Variants in OSBPL3 observed in about 807,000 individuals in gnomAD.
The protein encoded by OSBPL3 is oxysterol binding protein like 3.
In OSBPL3, 65 loss-of-function variants were observed where a neutral mutation model predicts 120.1. The ratio of observed to expected loss-of-function variants is 0.54; its 90% CI spans 0.44 to 0.67. The LOEUF is 0.67. Among genes scored for constraint, OSBPL3 ranks in the 30% least tolerant of loss-of-function variants. OSBPL3 has a pLI of 0.00. For missense variants in OSBPL3, 1,004 were observed against 1,082.1 expected, an observed-to-expected ratio of 0.93 and a Z score of 1.01; for synonymous variants, 416 against 402.6, an observed-to-expected ratio of 1.03 and a Z score of -0.40.
chr7:24,845,956 G>GC (rs1798396333), intron 12 of OSBPL3, among the ~76,000 whole-genome samples: 2 of 152,266 alleles, frequency 1.3e-5, no homozygotes, highest in South Asian at 4.2e-4. Flanking sequence ...TTCAAGGTCA[G>GC]GCTGGGCAGC....
rs1584756653 is a variant in OSBPL3 at position 24,967,685 on chromosome 7, C to A, written c.-150+12201G>T. The stretch of plus-strand genomic sequence containing the variant: ...TGACTAGTTACCCTTCCCCTACCTA[C>A]CTCTTGGCTTACCTTCCCCAAGGTA... On this transcript the variant is annotated intron_variant, in intron 1 of 22. Coordinates refer to ENST00000313367, the MANE Select transcript of OSBPL3 (RefSeq NM_015550.4). The surrounding 1 kb of genome is among the most constrained non-coding windows in gnomAD (Gnocchi z 5.6). Among the ~76,000 whole-genome samples the A allele has an allele frequency of 6.6e-6, 1 of 152,198 alleles. No homozygotes were observed. Among genetic ancestry groups the A allele is most frequent in the African/African-American group, 2.4e-5 (1 of 41,446 alleles).
intron 1 of OSBPL3, among the ~76,000 whole-genome samples, chr7:24,945,828 A>C (rs1019139094): frequency 4.6e-5 from 7 of 152,238 alleles, no homozygotes; most frequent in African/African-American, 1.7e-4. Context: ...TGGAGAATAC[A>C]TTTTAGAGTG....
Position 24,869,452 on chromosome 7 carries a change from C to T in OSBPL3, c.381+1280G>A, listed in dbSNP as rs114686064. On this transcript the variant is annotated intron_variant, in intron 5 of 22. Coordinates refer to ENST00000313367, the MANE Select transcript of OSBPL3 (RefSeq NM_015550.4). Reference sequence around the variant, plus strand: ...TTTCTTTTTTATCTTAAGATATAGGCTTTTCCCTCCCATACTTCACACCAG... The same window carrying T: ...TTTCTTTTTTATCTTAAGATATAGGTTTTTCCCTCCCATACTTCACACCAG... 5.6e-3 allele frequency among the ~76,000 whole-genome samples: 846 copies of T among 152,256 alleles called. 7 individuals are homozygous for T. The highest frequency in any genetic ancestry group is 0.018 in the African/African-American group (752 of 41,544).
In OSBPL3 at chr7:24,871,189, G is replaced by C. The variant is rs1445029986; in HGVS notation, c.268-344C>G. 6.6e-6 allele frequency among the ~76,000 whole-genome samples: 1 copy of C among 152,214 alleles called. No individual in the cohort carries two copies. The highest frequency in any genetic ancestry group is 1.5e-5 in the Non-Finnish European group (1 of 68,034). ...CCTGTCAACTGTACCACCTCCCACT[G>C]AATGAGTTTCTGGTGTCTAAATTCA... On this transcript the variant is annotated intron_variant, in intron 4 of 22. Coordinates refer to ENST00000313367, the MANE Select transcript of OSBPL3 (RefSeq NM_015550.4). The surrounding 1 kb of genome is among the most constrained non-coding windows in gnomAD (Gnocchi z 4.8).
chr7:24,912,393 T>C lies in OSBPL3; in HGVS notation c.-149-19772A>G, dbSNP rs777752076. Among the ~76,000 whole-genome samples, 18 of 152,226 alleles carry C rather than the reference T, an allele frequency of 1.2e-4. No homozygotes were observed. The highest frequency in any genetic ancestry group is 2.6e-4 in the Non-Finnish European group (18 of 68,042). On this transcript the variant is annotated intron_variant, in intron 1 of 22. Coordinates refer to ENST00000313367, the MANE Select transcript of OSBPL3 (RefSeq NM_015550.4). This position sits in a 1 kb window ranked among gnomAD's most constrained non-coding sequence, Gnocchi z 4.5. The stretch of plus-strand genomic sequence containing the variant: ...AAATCAAATTCAGCAACCAGGGCCT[T>C]GATCTTCCTTGCATATTCCCCTATG...
chr7:24,963,853 A>G (rs1237243543), intron 1 of OSBPL3, among the ~76,000 whole-genome samples: 2 of 152,194 alleles, frequency 1.3e-5, no homozygotes, highest in Non-Finnish European at 2.9e-5. Context: ...ATCAAGACCA[A>G]TATCACCCAT....
rs1013790146 is a variant in OSBPL3 at position 24,854,535 on chromosome 7, C to G, written c.1028-1901G>C. On this transcript the variant is annotated intron_variant, in intron 10 of 22. Coordinates refer to ENST00000313367, the MANE Select transcript of OSBPL3 (RefSeq NM_015550.4). The surrounding 1 kb of genome is among the most constrained non-coding windows in gnomAD (Gnocchi z 4.1). Reference sequence around the variant, plus strand: ...ACACACACACACACACACACACACACACAAACACACACAATGGTGCTGCCT... The same window carrying G: ...ACACACACACACACACACACACACAGACAAACACACACAATGGTGCTGCCT... 1.4e-5 allele frequency among the ~76,000 whole-genome samples: 2 copies of G among 145,566 alleles called. No homozygotes were observed. The highest frequency in any genetic ancestry group is 5.1e-5 in the African/African-American group (2 of 39,146).
chr7:24,834,858 G>C lies in OSBPL3; in HGVS notation c.1496-122C>G, dbSNP rs1796815065. On this transcript the variant is annotated intron_variant, in intron 14 of 22. Coordinates refer to ENST00000313367, the MANE Select transcript of OSBPL3 (RefSeq NM_015550.4). This position sits in a 1 kb window ranked among gnomAD's most constrained non-coding sequence, Gnocchi z 5.2. Reference sequence around the variant, plus strand: ...TGTTACTATTAAACTCAGTTGTTCAGAGTATGGCTGAAGTCAGAAAACCGG... The same window carrying C: ...TGTTACTATTAAACTCAGTTGTTCACAGTATGGCTGAAGTCAGAAAACCGG... 1.1e-6 allele frequency: 1 copy of C among 876,270 alleles called. No homozygotes were observed. The highest frequency in any genetic ancestry group is 2.0e-5 in the South Asian group (1 of 51,010). The allele number at this position is 876,270 out of a possible 1,614,324, so 54.3% of individuals were successfully genotyped here.
intron 1 of OSBPL3, among the ~76,000 whole-genome samples, chr7:24,901,308 C>T (rs909072534): frequency 1.3e-5 from 2 of 150,642 alleles, no homozygotes; most frequent in Non-Finnish European, 3.0e-5. Context: ...GCCCAGATGG[C>T]GCCACTGTAC....
At chr7:24,897,774 G>T (rs924177804) in intron 1 of OSBPL3, among the ~76,000 whole-genome samples, 1 of 152,184 alleles carries the variant, frequency 6.6e-6, no homozygotes, top group South Asian at 2.1e-4. Context: ...AAAAGCCACA[G>T]AATTCATCAC....
rs1278309397 is a variant in OSBPL3 at position 24,803,597 on chromosome 7, C to T, written c.2567+718G>A. ...ACCATCCTGGCCAACAAGGTGAAACCCCGTCTCTACTAAAAATACAAAAAT... is the reference window on the plus strand; with the variant it reads ...ACCATCCTGGCCAACAAGGTGAAACTCCGTCTCTACTAAAAATACAAAAAT... On this transcript the variant is annotated intron_variant, in intron 22 of 22. Coordinates refer to ENST00000313367, the MANE Select transcript of OSBPL3 (RefSeq NM_015550.4). The surrounding 1 kb of genome is among the most constrained non-coding windows in gnomAD (Gnocchi z 4.2). Among the ~76,000 whole-genome samples the T allele has an allele frequency of 3.9e-5, 6 of 152,028 alleles. No homozygotes were observed. The highest frequency in any genetic ancestry group is 3.9e-4 in the Admixed American group (6 of 15,250).
intron 1 of OSBPL3, among the ~76,000 whole-genome samples, chr7:24,976,863 A>G (rs989349448): frequency 6.6e-6 from 1 of 152,224 alleles, no homozygotes; most frequent in African/African-American, 2.4e-5. Context: ...CCAGCACCCA[A>G]ACTGGAATGA....
rs1817085746 is a variant in OSBPL3, at chr7:24,972,071, T to G, written c.-150+7815A>C. Among the ~76,000 whole-genome samples, 3 of 152,330 alleles carry G rather than the reference T, an allele frequency of 2.0e-5. 1 individual carries two copies. The South Asian group carries it at 6.2e-4, about 32-fold the overall frequency. ...CTACACTAGAATCTAGCCAGCAAGT[T>G]ATTTTAAGCTACATGCAGGGCTATG... On this transcript the variant is annotated intron_variant, in intron 1 of 22. Coordinates refer to ENST00000313367, the MANE Select transcript of OSBPL3 (RefSeq NM_015550.4). This position sits in a 1 kb window ranked among gnomAD's most constrained non-coding sequence, Gnocchi z 4.3.
chr7:24,822,867 T>C lies in OSBPL3; in HGVS notation c.1885-2629A>G, dbSNP rs893661610. Among the ~76,000 whole-genome samples, 4 of 152,226 alleles carry C rather than the reference T, an allele frequency of 2.6e-5. No individual in the cohort carries two copies. The highest frequency in any genetic ancestry group is 7.2e-5 in the African/African-American group (3 of 41,452). ...TAATGAATGAATGTTTAGCAGATTA[T>C]GTTTAGATGGGTTCAACACATTTTC... On this transcript the variant is annotated intron_variant, in intron 16 of 22. Transcript: ENST00000313367. The surrounding 1 kb of genome is among the most constrained non-coding windows in gnomAD (Gnocchi z 5.8).
At chr7:24,951,868 G>A (rs544272048) in intron 1 of OSBPL3, among the ~76,000 whole-genome samples, 5 of 152,148 alleles carry the variant, frequency 3.3e-5, no homozygotes, top group African/African-American at 4.8e-5. Context: ...CAACACCCAC[G>A]GTACATCTTT....
chr7:24,943,693 T>C (rs1813361053), intron 1 of OSBPL3, among the ~76,000 whole-genome samples: 1 of 152,184 alleles, frequency 6.6e-6, no homozygotes, highest in Non-Finnish European at 1.5e-5. Context: ...ATCAGGCAAG[T>C]GGAATTTACT....
chr7:24,958,597 T>C (rs1238927625), intron 1 of OSBPL3, among the ~76,000 whole-genome samples: 2 of 152,158 alleles, frequency 1.3e-5, no homozygotes, highest in Admixed American at 1.3e-4. Flanking sequence ...TCCTCAAGAG[T>C]GCCTAGGGAG....
At chr7:24,836,756 A>G (rs1797046179) in intron 14 of OSBPL3, among the ~76,000 whole-genome samples, 1 of 152,240 alleles carries the variant, frequency 6.6e-6, no homozygotes. Context: ...GATGAACAGA[A>G]ACACATGAAA....
chr7:24,839,043 T>C (rs559209115), intron 14 of OSBPL3, among the ~76,000 whole-genome samples: 1 of 152,350 alleles, frequency 6.6e-6, no homozygotes, highest in African/African-American at 2.4e-5. Context: ...TTTCTTCCCC[T>C]ATACTGCGGT....
Sources: gnomAD v4.1 joint callset for allele counts (sites outside exome capture counted in the v4.1 genomes callset) on GRCh38, gnomAD v4.1.1 for gene constraint, Gnocchi (gnomAD v3.1) non-coding constraint, MANE v1.5 for transcripts, NCBI Gene and HGNC (gene_info 2026-07-23, HGNC 2026-07-21) for gene names.